The following DLGAP2 variants were observed in gnomAD, a reference collection of about 807,000 sequenced individuals.
DLGAP2 encodes DLG associated protein 2.
A neutral mutation model predicts 100.3 loss-of-function variants in DLGAP2; 26 were observed. The observed-to-expected ratio is 0.26, with a 90% confidence interval of 0.19 to 0.36. DLGAP2 has a LOEUF of 0.36. Among genes scored for constraint, DLGAP2 ranks in the 10% least tolerant of loss-of-function variants. The pLI, the probability that DLGAP2 is intolerant of heterozygous loss-of-function variation, is 1.00. For synonymous variants in DLGAP2, 886 were observed against 630.1 expected, an observed-to-expected ratio of 1.41 and a Z score of -6.08; for missense variants, 1,858 against 1,453.2, an observed-to-expected ratio of 1.28 and a Z score of -4.53.
intron 3 of DLGAP2, among the ~76,000 whole-genome samples, chr8:1,321,288 GTC>G (rs1171750383): frequency 2.0e-5 from 3 of 151,794 alleles, no homozygotes; most frequent in Non-Finnish European, 4.4e-5. Context: ...GCATCTGTGT[GTC>G]TCTGTGTGCA....
intron 2 of DLGAP2, among the ~76,000 whole-genome samples, chr8:1,041,283 T>A (rs2129030567): frequency 6.6e-6 from 1 of 152,330 alleles, no homozygotes; most frequent in African/African-American, 2.4e-5. Flanking sequence ...ACCAGCGAGT[T>A]AGCTTGGAGG....
Position 1,253,696 on chromosome 8 carries a change from A to G in DLGAP2, c.74-5155A>G, listed in dbSNP as rs1163689789. ...TCACGTACACAAAACCATCAGACAG[A>G]TTTCTCCATCTGTGTCAATTAGCAC... On this transcript the variant is annotated intron_variant, in intron 2 of 14. Transcript: ENST00000637795. Among the ~76,000 whole-genome samples, 21 of 152,198 alleles carry G rather than the reference A, an allele frequency of 1.4e-4. No individual in the cohort carries two copies. In the South Asian group the frequency reaches 4.1e-3, roughly 30 times the overall value.
chr8:1,574,301 C>T lies in DLGAP2; in HGVS notation c.1442+8407C>T, dbSNP rs116663061. 2.4e-4 allele frequency among the ~76,000 whole-genome samples: 36 copies of T among 152,178 alleles called. No homozygotes were observed. In the East Asian group the frequency reaches 4.2e-3, roughly 18 times the overall value. ...GAGAGCAATGAACTAGGCACAGCAC[C>T]GGCAATAATTGCAGGACTTGTAATA... On this transcript the variant is annotated intron_variant, in intron 6 of 14. Transcript: ENST00000637795.
At chr8:1,624,944 TAC>T (rs1192894387) in intron 6 of DLGAP2, among the ~76,000 whole-genome samples, 3 of 152,194 alleles carry the variant, frequency 2.0e-5, no homozygotes, top group Non-Finnish European at 2.9e-5. Flanking sequence ...CTATATGTTA[TAC>T]ATTTTCTTTT....
At chr8:1,565,586 C>T in intron 5 of DLGAP2, 97 bp from the exon 6 acceptor site, 3 of 934,890 alleles carry the variant, frequency 3.2e-6, no homozygotes, top group Non-Finnish European at 4.8e-6. Context: ...AGAGGTGTAT[C>T]TTTATGGAAT....
intron 3 of DLGAP2, among the ~76,000 whole-genome samples, chr8:1,489,763 T>C (rs764866003): frequency 2.0e-5 from 3 of 152,240 alleles, no homozygotes; most frequent in Non-Finnish European, 4.4e-5. Context: ...AGTTTGAGTA[T>C]ACCAATTCTC....
intron 2 of DLGAP2, among the ~76,000 whole-genome samples, chr8:1,192,935 T>A (rs572863763): frequency 1.2e-4 from 19 of 152,174 alleles, no homozygotes; most frequent in African/African-American, 4.6e-4. Flanking sequence ...TGGTTTTTTG[T>A]CCTTGTGATA....
chr8:1,638,936 G>C (rs1464781377), intron 8 of DLGAP2, among the ~76,000 whole-genome samples: 2 of 152,240 alleles, frequency 1.3e-5, no homozygotes, highest in Non-Finnish European at 2.9e-5. Context: ...TTGCAGCCCA[G>C]AGAGCTGGGT....
chr8:1,660,881 G>T (rs963533020), intron 8 of DLGAP2, among the ~76,000 whole-genome samples: 1 of 152,170 alleles, frequency 6.6e-6, no homozygotes, highest in African/African-American at 2.4e-5. Flanking sequence ...ATAACATAGT[G>T]GGCTTTTCCC....
At chr8:1,076,153 A>C (rs1803601513) in intron 2 of DLGAP2, among the ~76,000 whole-genome samples, 3 of 152,224 alleles carry the variant, frequency 2.0e-5, no homozygotes, top group Admixed American at 2.0e-4. Context: ...TGCTCCAGGC[A>C]GCACAAGCTT....
chr8:838,552 A>C (rs994362695), intron 1 of DLGAP2, among the ~76,000 whole-genome samples: 7 of 152,164 alleles, frequency 4.6e-5, no homozygotes, highest in African/African-American at 1.7e-4. Context: ...TAAGCTTTAA[A>C]ATAAAAAATA....
intron 2 of DLGAP2, among the ~76,000 whole-genome samples, chr8:1,023,386 G>A (rs1801683529): frequency 6.6e-6 from 1 of 152,084 alleles, no homozygotes; most frequent in South Asian, 2.1e-4. Context: ...GGATTGATGA[G>A]GTCTTATGAT....
intron 2 of DLGAP2, among the ~76,000 whole-genome samples, chr8:1,223,891 G>A (rs150958217): frequency 7.0e-4 from 107 of 152,310 alleles, no homozygotes; most frequent in African/African-American, 2.5e-3. Flanking sequence ...AGCAAACAAT[G>A]TGTGAGATGG....
chr8:1,255,333 C>T (rs868379801), intron 2 of DLGAP2, among the ~76,000 whole-genome samples: 18 of 61,224 alleles, frequency 2.9e-4, no homozygotes, highest in African/African-American at 8.1e-4. Context: ...TGTGTGTGTG[C>T]CCTCTCATCC....
intron 3 of DLGAP2, among the ~76,000 whole-genome samples, chr8:1,311,425 C>T (rs1034706575): frequency 6.6e-6 from 1 of 152,194 alleles, no homozygotes. Context: ...CTAACACATT[C>T]CTTGAGGCCA....
At chr8:808,656 A>G (rs1488976418) in intron 1 of DLGAP2, among the ~76,000 whole-genome samples, 1 of 152,148 alleles carries the variant, frequency 6.6e-6, no homozygotes, top group Non-Finnish European at 1.5e-5. Context: ...CTGCCCACCC[A>G]GGGTGGACGG....
chr8:1,686,917 G>A (rs552771936), intron 12 of DLGAP2, among the ~76,000 whole-genome samples: 101 of 152,306 alleles, frequency 6.6e-4, no homozygotes, highest in Admixed American at 3.0e-3. Context: ...GGTGATGCAC[G>A]TCCCAGTCAT....
chr8:1,053,566 A>T (rs769012091), intron 2 of DLGAP2, among the ~76,000 whole-genome samples: 1 of 152,172 alleles, frequency 6.6e-6, no homozygotes, highest in Non-Finnish European at 1.5e-5. Context: ...CGCGTGAGTG[A>T]TGAAGACTGA....
intron 2 of DLGAP2, among the ~76,000 whole-genome samples, chr8:1,174,267 C>CCATCACCACCAT (rs1554496601): frequency 6.6e-6 from 1 of 152,066 alleles, no homozygotes; most frequent in Non-Finnish European, 1.5e-5. Flanking sequence ...CCCATCACCA[C>CCATCACCACCAT]CATCACCACC....
Sources: gnomAD v4.1 joint callset for allele counts (sites outside exome capture counted in the v4.1 genomes callset) on GRCh38, gnomAD v4.1.1 for gene constraint, MANE v1.5 for transcripts, NCBI Gene and HGNC (gene_info 2026-07-23, HGNC 2026-07-21) for gene names.